The following SEL1L2 variants were observed in gnomAD, a reference collection of about 807,000 sequenced individuals.
SEL1L2 encodes the protein protein sel-1 homolog 2.
Under a neutral mutation model 98.8 loss-of-function variants are expected in SEL1L2, and 89 were observed. That is an observed-to-expected ratio of 0.90 (90% CI 0.76 to 1.07). The LOEUF (loss-of-function observed/expected upper bound fraction) is 1.07, where lower values mean the gene tolerates loss of function less well. Ranked by LOEUF, SEL1L2 falls within the 50% of genes least tolerant of loss-of-function variation. SEL1L2 has a pLI of 0.00. For missense variants in SEL1L2, 788 were observed against 812.0 expected, an observed-to-expected ratio of 0.97 and a Z score of 0.36; for synonymous variants, 262 against 278.5, an observed-to-expected ratio of 0.94 and a Z score of 0.59.
At chr20:13,974,062 A>G (rs1288879020) in intron 1 of SEL1L2, among the ~76,000 whole-genome samples, 1 of 152,042 alleles carries the variant, frequency 6.6e-6, no homozygotes, top group Non-Finnish European at 1.5e-5. Context: ...GGTCTAGAGT[A>G]TTGGATTCTA....
chr20:13,980,735 T>G lies in SEL1L2; in HGVS notation c.58+9742A>C, dbSNP rs566249783. Among the ~76,000 whole-genome samples, 18 of 152,268 alleles carry G rather than the reference T, an allele frequency of 1.2e-4. No individual in the cohort carries two copies. In the East Asian group the frequency reaches 2.9e-3, roughly 25 times the overall value. On this transcript the variant is annotated intron_variant, in intron 1 of 19. Transcript: ENST00000284951. ...CAATAGTCAGGATATGGAAACAACC[T>G]AAGTGTCCATCAATGGATGAATGGA...
chr20:13,966,451 A>G (rs1453605942), intron 1 of SEL1L2, among the ~76,000 whole-genome samples: 3 of 151,500 alleles, frequency 2.0e-5, no homozygotes, highest in Non-Finnish European at 1.5e-5. Flanking sequence ...CTTGAGTAGC[A>G]GGAATTACAG....
intron 2 of SEL1L2, among the ~76,000 whole-genome samples, chr20:13,951,720 C>G (rs1311792930): frequency 7.1e-6 from 1 of 141,654 alleles, no homozygotes; most frequent in Non-Finnish European, 1.5e-5. Flanking sequence ...TGTTTTTTAA[C>G]AAAAATGAGG....
chr20:13,935,178 A>G (rs1265172743), intron 2 of SEL1L2, among the ~76,000 whole-genome samples: 1 of 152,164 alleles, frequency 6.6e-6, no homozygotes, highest in African/African-American at 2.4e-5. Context: ...AGCGAGACCA[A>G]GTATTAGGGA....
intron 17 of SEL1L2, among the ~76,000 whole-genome samples, chr20:13,862,314 G>A (rs920873562): frequency 3.9e-5 from 6 of 152,164 alleles, no homozygotes; most frequent in Admixed American, 2.0e-4. Flanking sequence ...ACCCTTAAGG[G>A]TCCCCTTGGG....
Position 13,869,541 on chromosome 20 carries a change from C to T in SEL1L2, c.1217G>A (p.Trp406Ter). The stretch of plus-strand genomic sequence containing the variant: ...GCCTAACTGGAACTGTGCGTCGGGC[C>T]ACCCTTTTTCCGCAGCTTTCTGAAA... Reference protein sequence around the residue: ...KYFQKAAEKGWPDAQFQLGFM... With the variant: ...KYFQKAAEKG The change falls in exon 14 of 20, where the codon TGG (tryptophan) becomes TAG (stop). Residue 406 changes from tryptophan (W) to a stop codon, truncating the protein, a stop_gained. Coordinates refer to ENST00000284951, the MANE Select transcript of SEL1L2 (RefSeq NM_025229.2). LOFTEE classifies it high-confidence loss of function. 6.2e-7 allele frequency: 1 copy of T among 1,614,116 alleles called. No individual in the cohort carries two copies. Among genetic ancestry groups the T allele is most frequent in the Middle Eastern group, 1.6e-4 (1 of 6,062 alleles).
At chr20:13,902,585 T>C (rs1209291460) in intron 5 of SEL1L2, among the ~76,000 whole-genome samples, 1 of 152,226 alleles carries the variant, frequency 6.6e-6, no homozygotes, top group Non-Finnish European at 1.5e-5. Flanking sequence ...CCCTTGGTCA[T>C]GACTCTAATT....
At chr20:13,872,038 T>C (rs901746967) in intron 12 of SEL1L2, among the ~76,000 whole-genome samples, 1 of 152,184 alleles carries the variant, frequency 6.6e-6, no homozygotes, top group Non-Finnish European at 1.5e-5. Context: ...GAGCCTATCA[T>C]ATGAAATGAT....
chr20:13,987,344 GTT>G (rs2052268354), intron 1 of SEL1L2, among the ~76,000 whole-genome samples: 1 of 132,038 alleles, frequency 7.6e-6, no homozygotes, highest in African/African-American at 3.0e-5. Flanking sequence ...TGTTGTTGTT[GTT>G]TTGTTTGGTT....
At chr20:13,893,253 C>T (rs570160745) in intron 5 of SEL1L2, among the ~76,000 whole-genome samples, 4 of 152,310 alleles carry the variant, frequency 2.6e-5, no homozygotes, top group Admixed American at 2.6e-4. Context: ...AAGGCTGCAT[C>T]TCTCCAATCT....
intron 3 of SEL1L2, among the ~76,000 whole-genome samples, chr20:13,922,953 T>C (rs1412798339): frequency 1.3e-5 from 2 of 152,132 alleles, no homozygotes; most frequent in Non-Finnish European, 2.9e-5. Flanking sequence ...TTTAGAGCTT[T>C]ATAGGGTGGA....
chr20:13,982,801 G>A (rs374919269), intron 1 of SEL1L2, among the ~76,000 whole-genome samples: 32 of 151,144 alleles, frequency 2.1e-4, no homozygotes, highest in Middle Eastern at 3.4e-3. Flanking sequence ...CAAGGCGGGT[G>A]GATTACAAGG....
At chr20:13,869,947 C>T (rs2046105231) in intron 13 of SEL1L2, among the ~76,000 whole-genome samples, 194 bp downstream of exon 13, 1 of 152,076 alleles carries the variant, frequency 6.6e-6, no homozygotes, top group Non-Finnish European at 1.5e-5. Flanking sequence ...ATTAGAATTA[C>T]TATTCTTGTC....
chr20:13,901,075 C>CTT (rs1258936237), intron 5 of SEL1L2, among the ~76,000 whole-genome samples: 2 of 126,362 alleles, frequency 1.6e-5, no homozygotes, highest in South Asian at 4.8e-4. Context: ...TTCTTTCTTT[C>CTT]TTTTTTTTTT....
chr20:13,883,424 A>C (rs1221765416), intron 10 of SEL1L2, among the ~76,000 whole-genome samples: 3 of 152,192 alleles, frequency 2.0e-5, no homozygotes, highest in Non-Finnish European at 4.4e-5. Context: ...GTTTAATGTA[A>C]AAAGCTCAGG....
Position 13,878,509 on chromosome 20 carries a change from C to T in SEL1L2, c.958-921G>A, listed in dbSNP as rs1013715197. On this transcript the variant is annotated intron_variant, in intron 10 of 19. Coordinates refer to ENST00000284951, the MANE Select transcript of SEL1L2 (RefSeq NM_025229.2). Reference sequence around the variant, plus strand: ...TTTAAAGTGTCTTGTTAGGATACGACCTTTCTGCTCTTTAAAAAGTCTTGA... The same window carrying T: ...TTTAAAGTGTCTTGTTAGGATACGATCTTTCTGCTCTTTAAAAAGTCTTGA... 3.3e-5 allele frequency among the ~76,000 whole-genome samples: 5 copies of T among 152,126 alleles called. No individual in the cohort carries two copies. In the East Asian group the frequency reaches 7.7e-4, roughly 23 times the overall value.
intron 3 of SEL1L2, among the ~76,000 whole-genome samples, chr20:13,926,872 G>A (rs1172589680): frequency 6.6e-6 from 1 of 152,158 alleles, no homozygotes; most frequent in Non-Finnish European, 1.5e-5. Flanking sequence ...AGAGCACAGT[G>A]GTGATTGGGT....
chr20:13,926,844 G>A (rs2048929860), intron 3 of SEL1L2, among the ~76,000 whole-genome samples: 1 of 152,138 alleles, frequency 6.6e-6, no homozygotes, highest in African/African-American at 2.4e-5. Flanking sequence ...AAGGTTCCAA[G>A]ATACCTCCCT....
intron 11 of SEL1L2, among the ~76,000 whole-genome samples, chr20:13,877,220 G>A (rs937505370): frequency 2.0e-5 from 3 of 152,278 alleles, no homozygotes; most frequent in Non-Finnish European, 4.4e-5. Flanking sequence ...TATCACCCTC[G>A]GGTTGCAGCC....
Sources: allele counts gnomAD v4.1 joint callset (sites outside exome capture counted in the v4.1 genomes callset), GRCh38; gene constraint gnomAD v4.1.1; transcripts MANE v1.5; gene names NCBI Gene and HGNC (gene_info 2026-07-23, HGNC 2026-07-21).